The following DGKB variants were observed in gnomAD, a reference collection of about 807,000 sequenced individuals.
DGKB encodes the protein 90 kDa diacylglycerol kinase.
Under a neutral mutation model 114.3 loss-of-function variants are expected in DGKB, and 67 were observed. The observed-to-expected ratio is 0.59, with a 90% CI of 0.48 to 0.72. The LOEUF (loss-of-function observed/expected upper bound fraction) is 0.72. Ranked by LOEUF, DGKB falls within the 30% of genes least tolerant of loss-of-function variation. The pLI is 0.00. For synonymous variants in DGKB, 398 were observed against 323.1 expected, an observed-to-expected ratio of 1.23 and a Z score of -2.49; for missense variants, 907 against 975.2, an observed-to-expected ratio of 0.93 and a Z score of 0.93.
At chr7:14,305,636 T>C (rs1386879568) in intron 23 of DGKB, among the ~76,000 whole-genome samples, 1 of 152,178 alleles carries the variant, frequency 6.6e-6, no homozygotes, top group Non-Finnish European at 1.5e-5. Flanking sequence ...ATCCATCAAA[T>C]GGCACAATTG....
At chr7:14,849,519 C>T (rs963475669) in intron 1 of DGKB, among the ~76,000 whole-genome samples, 1 of 151,998 alleles carries the variant, frequency 6.6e-6, no homozygotes, top group Admixed American at 6.6e-5. Context: ...GATGCTGGCA[C>T]CTAGATCTTG....
At position 14,561,001 on chromosome 7, in the gene DGKB, G is replaced by T. The variant is rs138662800; in HGVS notation, c.1770+13211C>A. Among the ~76,000 whole-genome samples, 1,377 of 152,250 alleles carry T rather than the reference G, an allele frequency of 9.0e-3. 15 individuals carry two copies. The highest frequency in any genetic ancestry group is 0.02 in the Middle Eastern group (6 of 294). On this transcript the variant is annotated intron_variant, in intron 20 of 25. Transcript: ENST00000402815. ...TCATTATTTGAATGTCTTCTTTGGA[G>T]AAAAGTTTGTTCAATTTTCTACCCA...
At chr7:14,170,144 AAAAAGAAAGAAAG>A (rs1562522894) in intron 25 of DGKB, among the ~76,000 whole-genome samples, 4 of 122,814 alleles carry the variant, frequency 3.3e-5, no homozygotes, top group Non-Finnish European at 3.3e-5. Flanking sequence ...CAAAAAAAAA[AAAAAGAAAGAAAG>A]AAAGAAAGAA....
intron 2 of DGKB, among the ~76,000 whole-genome samples, chr7:14,781,251 T>C (rs1416805226): frequency 6.6e-6 from 1 of 152,234 alleles, no homozygotes; most frequent in East Asian, 1.9e-4. Context: ...AGTGCTTTTG[T>C]GTATTTCACT....
At chr7:14,585,413 C>T (rs1800590641) in intron 17 of DGKB, among the ~76,000 whole-genome samples, 1 of 152,106 alleles carries the variant, frequency 6.6e-6, no homozygotes, top group African/African-American at 2.4e-5. Context: ...ACGTGTCTGA[C>T]ATAATCAACA....
intron 4 of DGKB, among the ~76,000 whole-genome samples, chr7:14,744,201 C>T (rs1832944840): frequency 6.6e-6 from 1 of 152,124 alleles, no homozygotes; most frequent in Non-Finnish European, 1.5e-5. Flanking sequence ...TTGCCTGGTT[C>T]TTCTAGAATT....
intron 23 of DGKB, among the ~76,000 whole-genome samples, chr7:14,186,599 CA>C (rs1783484615): frequency 6.6e-6 from 1 of 152,158 alleles, no homozygotes; most frequent in Non-Finnish European, 1.5e-5. Context: ...TTCACAATTG[CA>C]AAATTGTGGA....
At chr7:14,414,655 T>C (rs937374319) in intron 21 of DGKB, among the ~76,000 whole-genome samples, 6 of 152,162 alleles carry the variant, frequency 3.9e-5, no homozygotes, top group African/African-American at 1.4e-4. Context: ...GAAAAAAATA[T>C]ATACATTGAG....
chr7:14,688,094 C>A (rs1488244645), intron 9 of DGKB, among the ~76,000 whole-genome samples: 1 of 152,144 alleles, frequency 6.6e-6, no homozygotes, highest in African/African-American at 2.4e-5. Context: ...AAATTATACT[C>A]CAACTCTCTA....
chr7:14,524,350 A>G (rs370982786), intron 20 of DGKB, among the ~76,000 whole-genome samples: 29 of 152,268 alleles, frequency 1.9e-4, no homozygotes, highest in African/African-American at 7.0e-4. Context: ...GTAGAAGAAT[A>G]CCTTTTCCTA....
chr7:14,649,298 C>T (rs556872107), intron 13 of DGKB, among the ~76,000 whole-genome samples: 52 of 151,774 alleles, frequency 3.4e-4, no homozygotes, highest in South Asian at 6.2e-4. Context: ...GCGGATCTCT[C>T]GGCAGAAACC....
intron 20 of DGKB, among the ~76,000 whole-genome samples, chr7:14,548,053 T>C (rs1461040936): frequency 1.3e-5 from 2 of 152,242 alleles, no homozygotes; most frequent in African/African-American, 4.8e-5. Context: ...GAAAGTATTA[T>C]TTAAATTATG....
Position 14,924,724 on chromosome 7 carries a change from CATG to C in DGKB, c.-188+49969_-188+49971del, listed in dbSNP as rs537575047. On this transcript the variant is annotated intron_variant, in intron 1 of 4. Coordinates refer to the DGKB transcript ENST00000437998. ...TTGAATTTTGTGTAATTTGGCACAG[CATG>C]ATATTTTTAAAATTAAATTTTCTAT... Among the ~76,000 whole-genome samples the C allele has an allele frequency of 3.9e-5, 6 of 152,118 alleles. No individual in the cohort carries two copies. In the South Asian group the frequency reaches 8.3e-4, roughly 21 times the overall value.
intron 1 of DGKB, among the ~76,000 whole-genome samples, chr7:14,965,870 T>C (rs1007434819): frequency 1.3e-5 from 2 of 152,112 alleles, no homozygotes; most frequent in Non-Finnish European, 2.9e-5. Flanking sequence ...AGGCATACTC[T>C]AAAATAGCCA....
chr7:14,274,387 A>G (rs1195267644), intron 23 of DGKB, among the ~76,000 whole-genome samples: 2 of 152,134 alleles, frequency 1.3e-5, no homozygotes, highest in Non-Finnish European at 2.9e-5. Flanking sequence ...TCCTCAAGTC[A>G]CTTTCTACTA....
intron 4 of DGKB, among the ~76,000 whole-genome samples, chr7:14,737,033 G>T (rs957317980): frequency 6.6e-6 from 1 of 152,196 alleles, no homozygotes; most frequent in Non-Finnish European, 1.5e-5. Context: ...ACAAAGGCAA[G>T]AAAATGGTAC....
chr7:14,649,350 T>A (rs553118344), intron 13 of DGKB, among the ~76,000 whole-genome samples: 10 of 151,312 alleles, frequency 6.6e-5, no homozygotes, highest in African/African-American at 2.2e-4. Flanking sequence ...TCAACATTCT[T>A]AAAGAAAAGA....
At chr7:14,295,579 T>G (rs1423200266) in intron 23 of DGKB, among the ~76,000 whole-genome samples, 1 of 152,098 alleles carries the variant, frequency 6.6e-6, no homozygotes, top group East Asian at 1.9e-4. Flanking sequence ...TTTTTTTTAA[T>G]AGATAGGTTT....
chr7:14,248,462 T>C (rs2128384885), intron 23 of DGKB, among the ~76,000 whole-genome samples: 1 of 152,236 alleles, frequency 6.6e-6, no homozygotes, highest in African/African-American at 2.4e-5. Flanking sequence ...ATTTTAACAA[T>C]ATTAATTCTT....
Sources: allele counts gnomAD v4.1 joint callset (sites outside exome capture counted in the v4.1 genomes callset), GRCh38; gene constraint gnomAD v4.1.1; transcripts MANE v1.5; gene names NCBI Gene and HGNC (gene_info 2026-07-23, HGNC 2026-07-21).